DOCK10: variants seen among roughly 807,000 people sequenced by gnomAD.
The protein encoded by DOCK10 is dedicator of cytokinesis 10.
DOCK10 carries 145 observed loss-of-function variants against 280.1 expected under a neutral mutation model. The ratio of observed to expected loss-of-function variants is 0.52; its 90% confidence interval spans 0.45 to 0.59. The LOEUF is 0.59. Among genes scored for constraint, DOCK10 ranks in the 20% least tolerant of loss-of-function variants. DOCK10 has a pLI of 0.00. For synonymous variants in DOCK10, 915 were observed against 942.2 expected (o/e 0.97, Z 0.53); for missense variants, 2,368 against 2,651.7 (o/e 0.89, Z 2.35).
chr2:224,812,498 C>T (rs979274927), intron 31 of DOCK10, among the ~76,000 whole-genome samples: 3 of 152,094 alleles, frequency 2.0e-5, no homozygotes, highest in East Asian at 1.9e-4. Flanking sequence ...TGCCTAATTG[C>T]CCTGGCCAGA....
In DOCK10 at chr2:224,807,730, C is replaced by A. The variant is rs749668730; in HGVS notation, c.3640G>T (p.Asp1214Tyr). The A allele has an allele frequency of 1.9e-6, 3 of 1,574,124 alleles. No homozygotes were observed. In the South Asian group the frequency reaches 3.5e-5, roughly 18 times the overall value. Residue 1214 changes from aspartate to tyrosine, a missense_variant, in exon 33 of 56, where the codon GAC becomes TAC. Physicochemically the swap from Asp to Tyr is radical, Grantham distance 160 (BLOSUM62 -3). This residue lies in a region of DOCK10 where 1,159 missense variants were observed against 1,400.8 expected (regional missense o/e 0.83). Coordinates refer to ENST00000258390, the MANE Select transcript of DOCK10 (RefSeq NM_014689.3). ...TTCAGATAAATCCTTGGCATATTGTCCAGGAGCATGCCGTACAGGGGCATG... is the reference window on the plus strand; with the variant it reads ...TTCAGATAAATCCTTGGCATATTGTACAGGAGCATGCCGTACAGGGGCATG... ...LYMPLYGMLL[D>Y]NMPRIYLKDL... is the part of the protein sequence containing the mutation.
chr2:224,876,116 G>A lies in DOCK10; in HGVS notation c.853C>T (p.Leu285Phe), dbSNP rs1475855828. The A allele has an allele frequency of 6.2e-7, 1 of 1,613,868 alleles. No homozygotes were observed. Among genetic ancestry groups the A allele is most frequent in the African/African-American group, 1.3e-5 (1 of 74,908 alleles). Residue 285 changes from leucine (L) to phenylalanine (F), a missense_variant, in exon 8 of 56, where the codon CTC becomes TTC. Physicochemically the swap from Leu to Phe is conservative, Grantham distance 22. Around this residue, in one of 2 missense-constraint regions of DOCK10, gnomAD observed 1,209 missense variants for 1,250.9 expected, o/e 0.97. Coordinates refer to ENST00000258390, the MANE Select transcript of DOCK10 (RefSeq NM_014689.3). The part of the protein sequence containing the change: ...ESDMDEWIHT[L>F]NRILQISPEG... ...GGACTGATTTGCAGAATGCGGTTGAGGGTGTGGATCCATTCATCCATATCT... is the reference window on the plus strand; with the variant it reads ...GGACTGATTTGCAGAATGCGGTTGAAGGTGTGGATCCATTCATCCATATCT...
In DOCK10 at chr2:224,804,174, C is replaced by T. The variant is rs1323406507; in HGVS notation, c.4206G>A (p.Gln1402=). Residue 1402 remains glutamine (Q), a synonymous_variant, in exon 39 of 56, where the codon CAG becomes CAA. Coordinates refer to ENST00000258390, the MANE Select transcript of DOCK10 (RefSeq NM_014689.3). The stretch of plus-strand genomic sequence containing the variant: ...TGGATCCTTTGAGAGTTCCATTGTT[C>T]TGGGTGGACTGCACAAATTTAAATG... ...AAAFKFVQST[Q]NNGTLKGSNP... 4.3e-6 allele frequency: 7 copies of T among 1,611,852 alleles called. No individual in the cohort carries two copies. The highest frequency in any genetic ancestry group is 1.7e-4 in the Middle Eastern group (1 of 6,048).
At position 224,793,017 on chromosome 2, in the gene DOCK10, G is replaced by A. The variant is rs530812463; in HGVS notation, c.5268C>T (p.His1756=). ...CTASLLSEDT[H]PCDSNSLLTT... is the part of the protein sequence containing the mutation. ...TTAGTAATGAGTTGCTATCACAGGG[G>A]TGGGTATCCTCCGAGAGCAGGGATG... The change falls in exon 47 of 56, where the codon CAC becomes CAT. Residue 1756 remains histidine (H), a synonymous_variant. Coordinates refer to ENST00000258390, the MANE Select transcript of DOCK10 (RefSeq NM_014689.3). 1.1e-5 allele frequency: 17 copies of A among 1,613,684 alleles called. No individual in the cohort carries two copies. Among genetic ancestry groups the A allele is most frequent in the Non-Finnish European group, 1.4e-5 (16 of 1,179,748 alleles).
At chr2:224,965,771 C>G (rs1704700598) in intron 1 of DOCK10, among the ~76,000 whole-genome samples, 1 of 152,130 alleles carries the variant, frequency 6.6e-6, no homozygotes, top group Non-Finnish European at 1.5e-5. Flanking sequence ...CTAAAATACT[C>G]TTTCTTGAGA....
At chr2:224,974,814 TATATAA>T (rs1456072326) in intron 1 of DOCK10, among the ~76,000 whole-genome samples, 1 of 130,064 alleles carries the variant, frequency 7.7e-6, no homozygotes, top group Non-Finnish European at 1.7e-5. Flanking sequence ...ATATATTATA[TATATAA>T]TATATATATA....
chr2:224,947,643 T>A (rs1402417887), intron 1 of DOCK10, among the ~76,000 whole-genome samples: 1 of 152,218 alleles, frequency 6.6e-6, no homozygotes, highest in African/African-American at 2.4e-5. Flanking sequence ...TTCCCTCATC[T>A]TTAGATCTTC....
chr2:224,845,101 G>T, intron 21 of DOCK10, 102 bp downstream of exon 21: 1 of 1,218,512 alleles, frequency 8.2e-7, no homozygotes, highest in Non-Finnish European at 1.1e-6. Flanking sequence ...TAGCTACAAG[G>T]GACATGTCCA....
chr2:224,798,013 A>C, intron 41 of DOCK10, 44 bp from the exon 42 acceptor site: 1 of 1,582,510 alleles, frequency 6.3e-7, no homozygotes. Flanking sequence ...GTGAAAGAAA[A>C]TTTTCATTCT....
At chr2:224,888,839 T>C (rs1168688214) in intron 4 of DOCK10, among the ~76,000 whole-genome samples, 1 of 152,050 alleles carries the variant, frequency 6.6e-6, no homozygotes, top group Non-Finnish European at 1.5e-5. Context: ...TGAATATGTA[T>C]GTGTGAATAT....
chr2:224,786,708 C>A lies in DOCK10; in HGVS notation c.5655+314G>T, dbSNP rs550938820. On this transcript the variant is annotated intron_variant, in intron 50 of 55. Transcript: ENST00000258390. This position sits in a 1 kb window ranked among gnomAD's most constrained non-coding sequence, Gnocchi z 4.7. ...AATTTAATTTCACTTTAATATATGG[C>A]GTAAACTTATAATTAGATATTTTAG... Among the ~76,000 whole-genome samples, 1 of 152,032 alleles carries A rather than the reference C, an allele frequency of 6.6e-6. No homozygotes were observed. Among genetic ancestry groups the A allele is most frequent in the Non-Finnish European group, 1.5e-5 (1 of 68,008 alleles).
chr2:225,012,617 C>A (rs533400453), intron 1 of DOCK10, among the ~76,000 whole-genome samples: 2 of 152,280 alleles, frequency 1.3e-5, no homozygotes, highest in East Asian at 3.9e-4. Context: ...AGATTATTAA[C>A]ATATAGCTCC....
intron 1 of DOCK10, among the ~76,000 whole-genome samples, chr2:224,940,907 C>G (rs1703017222): frequency 6.6e-6 from 1 of 152,138 alleles, no homozygotes; most frequent in African/African-American, 2.4e-5. Flanking sequence ...GGGGTTTCAC[C>G]TTTCTTCCTC....
rs537712588 is a variant in DOCK10, at chr2:224,766,272, G to A, written c.6445-435C>T. On this transcript the variant is annotated intron_variant, in intron 55 of 55. Transcript: ENST00000258390. ...TTAATCTTGAAAATAATGTTAGTGT[G>A]CCTAAAAAATACTTTATCAGATTGA... Among the ~76,000 whole-genome samples the A allele has an allele frequency of 5.3e-5, 8 of 152,282 alleles. No individual in the cohort carries two copies. The South Asian group carries it at 8.3e-4, about 16-fold the overall frequency.
In DOCK10 at chr2:224,770,504, A is replaced by G. The variant is rs377567213; in HGVS notation, c.6305+41T>C. ...TGGGGGATTGAGGACTCCCTGTCTC[A>G]GGAAGTTCAAGGAAGAACATCCCAA... On this transcript the variant is annotated intron_variant, in intron 54 of 55. Transcript: ENST00000258390. The surrounding 1 kb of genome is among the most constrained non-coding windows in gnomAD (Gnocchi z 4.5). 14 of 1,585,456 alleles carry G rather than the reference A, an allele frequency of 8.8e-6. No individual in the cohort carries two copies. The African/African-American group carries it at 1.6e-4, about 18-fold the overall frequency.
intron 55 of DOCK10, among the ~76,000 whole-genome samples, chr2:224,766,768 T>C (rs546975015): frequency 9.2e-5 from 14 of 152,364 alleles, no homozygotes; most frequent in African/African-American, 3.4e-4. Flanking sequence ...TGAATGCTTA[T>C]ATGCATTACT....
Position 225,041,859 on chromosome 2 carries a change from C to A in DOCK10, c.123+393G>T, listed in dbSNP as rs183762441. 4.6e-5 allele frequency among the ~76,000 whole-genome samples: 7 copies of A among 152,290 alleles called. No homozygotes were observed. The East Asian group carries it at 1.2e-3, about 25-fold the overall frequency. ...AGAGGGACGCGCAGACCTCCGGACT[C>A]AGGGGTTCTGTTCTGTAGATCCCCC... is the stretch of plus-strand genomic sequence containing the variant. On this transcript the variant is annotated intron_variant, in intron 1 of 55. Transcript: ENST00000258390.
rs1194615064 is a variant in DOCK10 at position 224,825,401 on chromosome 2, T to A, written c.3037-1754A>T. On this transcript the variant is annotated intron_variant, in intron 27 of 55. Transcript: ENST00000258390. ...TGAAATCAAATAAATTAACAACTAA[T>A]GAACTTAACTGATTTGATCACACAC... Among the ~76,000 whole-genome samples, 14 of 152,366 alleles carry A rather than the reference T, an allele frequency of 9.2e-5. No homozygotes were observed. In the East Asian group the frequency reaches 2.7e-3, roughly 29 times the overall value.
intron 1 of DOCK10, among the ~76,000 whole-genome samples, chr2:224,983,987 T>C (rs1014428279): frequency 6.6e-6 from 1 of 152,196 alleles, no homozygotes; most frequent in Admixed American, 6.5e-5. Context: ...TGAATATCTA[T>C]ATCTAATGGT....
Sources: gnomAD v4.1 joint callset for allele counts (sites outside exome capture counted in the v4.1 genomes callset) on GRCh38, gnomAD v4.1.1 for gene constraint, gnomAD v4.1.1 regional missense constraint, Gnocchi (gnomAD v3.1) non-coding constraint, MANE v1.5 for transcripts, NCBI Gene and HGNC (gene_info 2026-07-23, HGNC 2026-07-21) for gene names.